The following MAST4 variants were observed in gnomAD, a reference collection of about 807,000 sequenced individuals.
The protein encoded by MAST4 is microtubule-associated serine/threonine-protein kinase 4.
MAST4 carries 89 observed loss-of-function variants against 162.7 expected under a neutral mutation model. That is an observed-to-expected ratio of 0.55 (90% CI 0.46 to 0.65). The LOEUF is 0.65. MAST4 is among the 30% of genes least tolerant of loss of function. The pLI is 0.00. For synonymous variants in MAST4, 1,479 were observed against 1,361.1 expected (o/e 1.09, Z -1.91); for missense variants, 3,153 against 3,374.0 (o/e 0.93, Z 1.62).
At position 66,596,570 on chromosome 5, in the gene MAST4, GC is replaced by G. The variant is rs1423937717; in HGVS notation, c.-83del. On this transcript the variant is annotated 5_prime_UTR_variant, in exon 1 of 29. Transcript: ENST00000403625. Reference sequence around the variant, plus strand: ...GGAGCGGCAGTGCCAGTGAGCCTGAGCCCAGGAGCCCGCGTCTTCCCCGGGA... The same window carrying G: ...GGAGCGGCAGTGCCAGTGAGCCTGAGCCAGGAGCCCGCGTCTTCCCCGGGA... The G allele has an allele frequency of 7.6e-6, 10 of 1,323,814 alleles. No individual in the cohort carries two copies. Among genetic ancestry groups the G allele is most frequent in the Non-Finnish European group, 9.6e-6 (10 of 1,039,902 alleles). 82.0% of individuals were successfully genotyped at this position (1,323,814 alleles called of 1,614,324 possible).
At chr5:66,965,225 C>CTTTTTTTTTTTTTTTTTTTT (rs1187971815) in intron 4 of MAST4, among the ~76,000 whole-genome samples, 1 of 84,898 alleles carries the variant, frequency 1.2e-5, no homozygotes. Flanking sequence ...TTTTTTTTTG[C>CTTTTTTTTTTTTTTTTTTTT]TTTTTTTTTT....
chr5:66,612,520 T>C (rs1406167381), intron 1 of MAST4, among the ~76,000 whole-genome samples: 3 of 151,964 alleles, frequency 2.0e-5, no homozygotes, highest in Middle Eastern at 3.4e-3. Context: ...GGCGTAGGAG[T>C]TGGTGGGTGG....
At chr5:66,687,863 G>T (rs1246815285) in intron 1 of MAST4, among the ~76,000 whole-genome samples, 3 of 152,084 alleles carry the variant, frequency 2.0e-5, no homozygotes, top group Non-Finnish European at 4.4e-5. Flanking sequence ...TATTTTTAAG[G>T]ATGAAGTTTA....
At chr5:66,648,169 A>AT (rs1745990482) in intron 1 of MAST4, among the ~76,000 whole-genome samples, 1 of 149,340 alleles carries the variant, frequency 6.7e-6, no homozygotes, top group African/African-American at 2.5e-5. Flanking sequence ...ATAATATATA[A>AT]AAAAAAATCA....
chr5:66,804,172 G>A (rs1357965569), intron 3 of MAST4, among the ~76,000 whole-genome samples: 5 of 152,130 alleles, frequency 3.3e-5, no homozygotes, highest in African/African-American at 9.7e-5. Context: ...GCATTAACCT[G>A]TAGTTTTCAT....
intron 4 of MAST4, among the ~76,000 whole-genome samples, chr5:66,903,816 C>T (rs1019061449): frequency 1.3e-5 from 2 of 152,116 alleles, no homozygotes; most frequent in African/African-American, 2.4e-5. Context: ...CTACATAGTG[C>T]GGACATTTGT....
chr5:66,920,910 C>A (rs1409276783), intron 4 of MAST4, among the ~76,000 whole-genome samples: 1 of 152,034 alleles, frequency 6.6e-6, no homozygotes, highest in Non-Finnish European at 1.5e-5. Flanking sequence ...ACATAAACAA[C>A]CAGAAAGCCT....
At chr5:66,779,393 C>CTTTTTTT (rs57118930) in intron 2 of MAST4, among the ~76,000 whole-genome samples, 1 of 116,710 alleles carries the variant, frequency 8.6e-6, no homozygotes, top group Non-Finnish European at 1.8e-5. Flanking sequence ...ACACATAGCA[C>CTTTTTTT]TTTTTTTTTT....
chr5:66,977,042 G>A (rs1748231016), intron 4 of MAST4, among the ~76,000 whole-genome samples: 2 of 152,168 alleles, frequency 1.3e-5, no homozygotes, highest in African/African-American at 4.8e-5. Flanking sequence ...GGGGTGTAGG[G>A]TCAGCATCAG....
chr5:67,156,161 A>G (rs1288667330), intron 26 of MAST4, among the ~76,000 whole-genome samples: 3 of 152,106 alleles, frequency 2.0e-5, no homozygotes, highest in East Asian at 3.8e-4. Context: ...GAATAAACGC[A>G]TGTAATCCAA....
At chr5:66,826,963 C>T (rs766335931) in intron 3 of MAST4, among the ~76,000 whole-genome samples, 5 of 152,128 alleles carry the variant, frequency 3.3e-5, no homozygotes, top group Non-Finnish European at 5.9e-5. Flanking sequence ...CAACAATTGT[C>T]GTTCCCTTCG....
intron 4 of MAST4, among the ~76,000 whole-genome samples, chr5:66,916,386 A>G (rs575655611): frequency 1.3e-5 from 2 of 152,252 alleles, no homozygotes; most frequent in Non-Finnish European, 2.9e-5. Context: ...TGAGACTGGC[A>G]TAGGCAAAGA....
At chr5:67,108,900 G>A (rs557323434) in intron 10 of MAST4, among the ~76,000 whole-genome samples, 1 of 152,154 alleles carries the variant, frequency 6.6e-6, no homozygotes, top group East Asian at 1.9e-4. Flanking sequence ...TATTGTACCA[G>A]CATCACAATG....
intron 4 of MAST4, among the ~76,000 whole-genome samples, chr5:66,901,742 T>A (rs1443395342): frequency 1.3e-5 from 2 of 152,060 alleles, no homozygotes; most frequent in African/African-American, 4.8e-5. Flanking sequence ...TCAAGTGAGG[T>A]AAACCAAAAA....
chr5:66,759,601 T>C (rs1753737168), intron 1 of MAST4, 108 bp from the exon 2 acceptor site: 1 of 1,368,840 alleles, frequency 7.3e-7, no homozygotes, highest in Admixed American at 2.1e-5. Context: ...GTTGGGAGAA[T>C]GGAGTTTGAG....
intron 24 of MAST4, among the ~76,000 whole-genome samples, chr5:67,151,772 T>C (rs1156279059): frequency 7.1e-4 from 94 of 131,584 alleles, no homozygotes; most frequent in African/African-American, 3.0e-3. Flanking sequence ...TTTTTCTTTT[T>C]TTTTTTTTTT....
chr5:66,659,944 T>C (rs552071364), intron 1 of MAST4, among the ~76,000 whole-genome samples: 1 of 148,812 alleles, frequency 6.7e-6, no homozygotes, highest in Non-Finnish European at 1.5e-5. Context: ...TGTGAAGACA[T>C]AGAGATGTGG....
In MAST4 at chr5:67,152,709, G is replaced by A. The variant is rs765442001; in HGVS notation, c.3368G>A (p.Arg1123Gln). 19 of 1,613,882 alleles carry A rather than the reference G, an allele frequency of 1.2e-5. No individual in the cohort carries two copies. The Admixed American group carries it at 1.8e-4, about 16-fold the overall frequency. ...HSLSSDPSSS[R>Q]DSSPSRDSSA... ...CTGTCCTCGGACCCTTCTTCTTCAC[G>A]AGATTCCTCTCCCAGCCGAGATTCC... The change falls in exon 25 of 29, where the codon CGA (arginine) becomes CAA (glutamine). Residue 1123 changes from arginine to glutamine, a missense_variant. Physicochemically the swap from Arg to Gln is conservative, Grantham distance 43. Around this residue, in one of 7 missense-constraint regions of MAST4, gnomAD observed 619 missense variants for 744.2 expected, o/e 0.83. Transcript: ENST00000403625.
At chr5:66,926,024 T>C (rs751807483) in intron 4 of MAST4, among the ~76,000 whole-genome samples, 2 of 152,088 alleles carry the variant, frequency 1.3e-5, no homozygotes, top group Admixed American at 6.5e-5. Context: ...ACCAGTCTTC[T>C]ATATAAAGGA....
Sources: allele counts gnomAD v4.1 joint callset (sites outside exome capture counted in the v4.1 genomes callset), GRCh38; gene constraint gnomAD v4.1.1; regional missense constraint gnomAD v4.1.1; transcripts MANE v1.5; gene names NCBI Gene and HGNC (gene_info 2026-07-23, HGNC 2026-07-21).